The following TAP1 variants were observed in gnomAD, a reference collection of about 807,000 sequenced individuals.
TAP1 encodes the protein antigen peptide transporter 1.
TAP1 carries 56 observed loss-of-function variants against 79.3 expected under a neutral mutation model. That is an observed-to-expected ratio of 0.71 (90% CI 0.57 to 0.88). The LOEUF is 0.88. TAP1 is among the 40% of genes least tolerant of loss of function. The probability of loss-of-function intolerance (pLI) is 0.00; values close to 1 mark genes in which losing one functional copy is unlikely to be tolerated. For missense variants in TAP1, 737 were observed against 936.3 expected, an observed-to-expected ratio of 0.79 and a Z score of 2.78; for synonymous variants, 355 against 401.4, an observed-to-expected ratio of 0.88 and a Z score of 1.38.
chr6:32,853,506 A>T lies in TAP1; in HGVS notation c.131T>A (p.Phe44Tyr), dbSNP rs368893780. 2 of 1,609,590 alleles carry T rather than the reference A, an allele frequency of 1.2e-6. No homozygotes were observed. The highest frequency in any genetic ancestry group is 1.7e-6 in the Non-Finnish European group (2 of 1,177,586). The change falls in exon 1 of 11, where the codon TTC (phenylalanine) becomes TAC (tyrosine). Residue 44 changes from phenylalanine (F) to tyrosine (Y), a missense_variant. By Grantham distance (22) the Phe-to-Tyr change is conservative. This residue lies in a region of TAP1 where 45 missense variants were observed against 60.2 expected (regional missense o/e 0.75). Transcript: ENST00000354258. The surrounding 1 kb of genome is among the most constrained non-coding windows in gnomAD (Gnocchi z 8.3). ...CAGCGCGGTGGGCACCAGCAGGGAG[A>T]ATATGCGGGGCAGCGCGGTCCGGAG... ...VLLRTALPRI[F>Y]SLLVPTALPL...
Position 32,852,534 on chromosome 6 carries a change from T to C in TAP1, c.599-32A>G. The C allele has an allele frequency of 6.2e-7, 1 of 1,612,440 alleles. No individual in the cohort carries two copies. The highest frequency in any genetic ancestry group is 8.5e-7 in the Non-Finnish European group (1 of 1,179,718). On this transcript the variant is annotated intron_variant, in intron 1 of 10. Transcript: ENST00000354258. The surrounding 1 kb of genome is among the most constrained non-coding windows in gnomAD (Gnocchi z 4.8). Reference sequence around the variant, plus strand: ...AAAGAGAAGAGAGGTCACGCACAAATATTAAGTCTAAGTAGGTCAGTTCCA... The same window carrying C: ...AAAGAGAAGAGAGGTCACGCACAAACATTAAGTCTAAGTAGGTCAGTTCCA...
chr6:32,848,509 T>G (rs1235715486), intron 7 of TAP1, 143 bp downstream of exon 7: 20 of 991,276 alleles, frequency 2.0e-5, no homozygotes, highest in Non-Finnish European at 3.0e-5. Flanking sequence ...GGAAGATTTA[T>G]GGAACAGATG....
At position 32,848,074 on chromosome 6, in the gene TAP1, G is replaced by A. The variant is rs149070070; in HGVS notation, c.1585C>T (p.Arg529Cys). 4.2e-5 allele frequency: 67 copies of A among 1,609,208 alleles called. No individual in the cohort carries two copies. In the African/African-American group the frequency reaches 5.9e-4, roughly 14 times the overall value. ...LVLQGLTFTL[R>C]PGEVTALVGP... Reference sequence around the variant, plus strand: ...ACCAGCGCCGTCACCTCGCCAGGGCGTAGGGTGAATGTCAGCCCCTAGAGG... The same window carrying A: ...ACCAGCGCCGTCACCTCGCCAGGGCATAGGGTGAATGTCAGCCCCTAGAGG... The change falls in exon 8 of 11, where the codon CGC (arginine) becomes TGC (cysteine). Residue 529 changes from arginine (R) to cysteine (C), a missense_variant. Physicochemically the swap from Arg to Cys is radical, Grantham distance 180. Coordinates refer to ENST00000354258, the MANE Select transcript of TAP1 (RefSeq NM_000593.6).
chr6:32,852,922 G>A lies in TAP1; in HGVS notation c.598+117C>T. 1 of 1,480,276 alleles carries A rather than the reference G, an allele frequency of 6.8e-7. No individual in the cohort carries two copies. The highest frequency in any genetic ancestry group is 9.0e-7 in the Non-Finnish European group (1 of 1,112,204). 91.7% of individuals were successfully genotyped at this position (1,480,276 alleles called of 1,614,324 possible). ...TGGTGTTCCAAGACCCACGCTAGGA[G>A]TCCTTCTCCTGCTCCACATTTCCCA... On this transcript the variant is annotated intron_variant, in intron 1 of 10. Transcript: ENST00000354258. This position sits in a 1 kb window ranked among gnomAD's most constrained non-coding sequence, Gnocchi z 4.8.
At position 32,852,370 on chromosome 6, in the gene TAP1, C is replaced by A. The variant is rs1196180142; in HGVS notation, c.713+18G>T. On this transcript the variant is annotated intron_variant, in intron 2 of 10. Coordinates refer to ENST00000354258, the MANE Select transcript of TAP1 (RefSeq NM_000593.6). The surrounding 1 kb of genome is among the most constrained non-coding windows in gnomAD (Gnocchi z 4.8). ...CAACTCCCTCATTTGCAGGGTGCCC[C>A]ATTTTCAGCCCCCAGACCTGGCTAT... 10 of 1,613,010 alleles carry A rather than the reference C, an allele frequency of 6.2e-6. No homozygotes were observed. The highest frequency in any genetic ancestry group is 8.5e-6 in the Non-Finnish European group (10 of 1,179,974).
chr6:32,852,108 C>T lies in TAP1; in HGVS notation c.844+1G>A. On this transcript the variant is annotated splice_donor_variant, in intron 3 of 10. Coordinates refer to ENST00000354258, the MANE Select transcript of TAP1 (RefSeq NM_000593.6). LOFTEE classifies it high-confidence loss of function. The surrounding 1 kb of genome is among the most constrained non-coding windows in gnomAD (Gnocchi z 4.8). ...TATAATGAAAGAGTTTCAGGAGAAA[C>T]CTGTCTGGTTCTGTTGGAAAAACTC... is the stretch of plus-strand genomic sequence containing the variant. 1.2e-6 allele frequency: 2 copies of T among 1,612,904 alleles called. No homozygotes were observed. Among genetic ancestry groups the T allele is most frequent in the Non-Finnish European group, 1.7e-6 (2 of 1,180,004 alleles).
chr6:32,846,753 G>A (rs1770439136), intron 10 of TAP1, among the ~76,000 whole-genome samples: 1 of 152,008 alleles, frequency 6.6e-6, no homozygotes, highest in South Asian at 2.1e-4. Flanking sequence ...GCAGGTTGAA[G>A]CTGCAGTGAG....
chr6:32,846,041 A>G, intron 10 of TAP1: 2 of 578,152 alleles, frequency 3.5e-6, no homozygotes, highest in Non-Finnish European at 3.1e-6. Context: ...AATAAAGACT[A>G]TTGAATAGTC....
rs908908724 is a variant in TAP1 at position 32,847,785 on chromosome 6, C to G, written c.1741-110G>C. The G allele has an allele frequency of 6.4e-7, 1 of 1,558,838 alleles. No individual in the cohort carries two copies. Among genetic ancestry groups the G allele is most frequent in the Non-Finnish European group, 8.8e-7 (1 of 1,132,462 alleles). The stretch of plus-strand genomic sequence containing the variant: ...GAGAACATGTCACAAAATCATACTA[C>G]CTCCCTCCTGACTACACCACCATCT... On this transcript the variant is annotated intron_variant, in intron 8 of 10. Coordinates refer to ENST00000354258, the MANE Select transcript of TAP1 (RefSeq NM_000593.6). The surrounding 1 kb of genome is among the most constrained non-coding windows in gnomAD (Gnocchi z 4.7).
chr6:32,850,705 T>C lies in TAP1; in HGVS notation c.1051-188A>G, dbSNP rs775719946. The stretch of plus-strand genomic sequence containing the variant: ...AAGAGGAAAATGACTCAGAACGGGT[T>C]GGGGATCAAATTCTTAAAGACAGAT... On this transcript the variant is annotated intron_variant, in intron 4 of 10. Transcript: ENST00000354258. This position sits in a 1 kb window ranked among gnomAD's most constrained non-coding sequence, Gnocchi z 5.5. Among the ~76,000 whole-genome samples, 1 of 152,182 alleles carries C rather than the reference T, an allele frequency of 6.6e-6. No homozygotes were observed. The highest frequency in any genetic ancestry group is 1.5e-5 in the Non-Finnish European group (1 of 68,032).
At chr6:32,848,343 A>T in intron 7 of TAP1, 1 of 622,606 alleles carries the variant, frequency 1.6e-6, no homozygotes, top group Non-Finnish European at 2.8e-6. Context: ...CCACCAGGAA[A>T]GGGAAAAATC....
In TAP1 at chr6:32,853,289, C is replaced by T. The variant is rs1770919267; in HGVS notation, c.348G>A (p.Leu116=). ...CGGACCCGGGGGCTCCCCATGAGATCAGCTCTCGGAACAAGGCAAGTCCCG... is the reference window on the plus strand; with the variant it reads ...CGGACCCGGGGGCTCCCCATGAGATTAGCTCTCGGAACAAGGCAAGTCCCG... ...ALPGLALFRE[L]ISWGAPGSAD... Residue 116 remains leucine, a synonymous_variant, in exon 1 of 11, where the codon CTG becomes CTA. Transcript: ENST00000354258. The surrounding 1 kb of genome is among the most constrained non-coding windows in gnomAD (Gnocchi z 8.3). 1 of 1,583,340 alleles carries T rather than the reference C, an allele frequency of 6.3e-7. No homozygotes were observed. Among genetic ancestry groups the T allele is most frequent in the Non-Finnish European group, 8.6e-7 (1 of 1,164,084 alleles).
rs111585115 is a variant in TAP1 at position 32,851,241 on chromosome 6, G to A, written c.845-92C>T. On this transcript the variant is annotated intron_variant, in intron 3 of 10. Transcript: ENST00000354258. The surrounding 1 kb of genome is among the most constrained non-coding windows in gnomAD (Gnocchi z 4.8). ...ATGAGCCAGGATGCCAGGGTCAGGG[G>A]TGTCAACATGGGGTTCTAAGGAGGC... 179 of 1,268,214 alleles carry A rather than the reference G, an allele frequency of 1.4e-4. 2 individuals are homozygous for A. In the African/African-American group the frequency reaches 2.5e-3, roughly 18 times the overall value. The allele number at this position is 1,268,214 out of a possible 1,614,324, so 78.6% of individuals were successfully genotyped here.
rs1045053973 is a variant in TAP1, at chr6:32,847,947, T to C, written c.1712A>G (p.Gln571Arg). 2.5e-6 allele frequency: 4 copies of C among 1,612,962 alleles called. No individual in the cohort carries two copies. The African/African-American group carries it at 5.3e-5, about 22-fold the overall frequency. ...CCTGTGCAGGTAGCGGTGCTCATAT[T>C]GGGGAAGGGGCTTCCCATCCAACAG... ...QLLLDGKPLP[Q>R]YEHRYLHRQV... The change falls in exon 8 of 11, where the codon CAA becomes CGA. Residue 571 changes from glutamine (Q) to arginine (R), a missense_variant. Coordinates refer to ENST00000354258, the MANE Select transcript of TAP1 (RefSeq NM_000593.6). The surrounding 1 kb of genome is among the most constrained non-coding windows in gnomAD (Gnocchi z 4.7).
rs751214326 is a variant in TAP1, at chr6:32,853,283, T to A, written c.354A>T (p.Ser118=). 2 of 1,584,080 alleles carry A rather than the reference T, an allele frequency of 1.3e-6. No individual in the cohort carries two copies. Among genetic ancestry groups the A allele is most frequent in the African/African-American group, 2.7e-5 (2 of 74,444 alleles). Residue 118 remains serine (S), a synonymous_variant, in exon 1 of 11, where the codon TCA becomes TCT. Transcript: ENST00000354258. This position sits in a 1 kb window ranked among gnomAD's most constrained non-coding sequence, Gnocchi z 8.3. ...PGLALFRELI[S]WGAPGSADST... is the part of the protein sequence containing the mutation. Reference sequence around the variant, plus strand: ...TATCCGCGGACCCGGGGGCTCCCCATGAGATCAGCTCTCGGAACAAGGCAA... The same window carrying A: ...TATCCGCGGACCCGGGGGCTCCCCAAGAGATCAGCTCTCGGAACAAGGCAA...
intron 7 of TAP1, 50 bp from the exon 8 acceptor site, chr6:32,848,142 T>C: frequency 1.9e-6 from 3 of 1,554,356 alleles, no homozygotes; most frequent in Non-Finnish European, 2.6e-6. Flanking sequence ...CCTCTAACCT[T>C]GAGAGTGTCA....
Position 32,847,348 on chromosome 6 carries a change from TG to T in TAP1, c.1904-145del. On this transcript the variant is annotated intron_variant, in intron 9 of 10. Transcript: ENST00000354258. This position sits in a 1 kb window ranked among gnomAD's most constrained non-coding sequence, Gnocchi z 4.7. The stretch of plus-strand genomic sequence containing the variant: ...CTGGATAGGGGAGATTCTGGGAAGA[TG>T]AACAGAATCCTGAGGATGTCAGGAT... 6.7e-7 allele frequency: 1 copy of T among 1,502,398 alleles called. No individual in the cohort carries two copies. Among genetic ancestry groups the T allele is most frequent in the Non-Finnish European group, 9.2e-7 (1 of 1,092,884 alleles). The allele number at this position is 1,502,398 out of a possible 1,614,324, so 93.1% of individuals were successfully genotyped here.
chr6:32,852,308 C>T lies in TAP1; in HGVS notation c.714-69G>A. 1.9e-6 allele frequency: 3 copies of T among 1,612,760 alleles called. No homozygotes were observed. The South Asian group carries it at 3.3e-5, about 18-fold the overall frequency. On this transcript the variant is annotated intron_variant, in intron 2 of 10. Transcript: ENST00000354258. This position sits in a 1 kb window ranked among gnomAD's most constrained non-coding sequence, Gnocchi z 4.8. ...GAACAGACTGAAGGTCCCAGGTATCCCCATATAAGTGCATTTCGGACAGCA... is the reference window on the plus strand; with the variant it reads ...GAACAGACTGAAGGTCCCAGGTATCTCCATATAAGTGCATTTCGGACAGCA...
rs1276422671 is a variant in TAP1, at chr6:32,845,650, G to A, written c.2176C>T (p.His726Tyr). 45 of 1,612,982 alleles carry A rather than the reference G, an allele frequency of 2.8e-5. No homozygotes were observed. The highest frequency in any genetic ancestry group is 3.7e-5 in the Non-Finnish European group (44 of 1,180,042). ...CCCTTTTTCTCCATGAGCTGCTGGT[G>A]GGTTCCCCCCTCCCGGATAGCGCCT... ...EGGAIREGGTHQQLMEKKGCY... is the reference protein window; with the variant it reads ...EGGAIREGGTYQQLMEKKGCY... The change falls in exon 11 of 11, where the codon CAC becomes TAC. Residue 726 changes from histidine (H) to tyrosine (Y), a missense_variant. Transcript: ENST00000354258. This position sits in a 1 kb window ranked among gnomAD's most constrained non-coding sequence, Gnocchi z 4.5.
Sources: gnomAD v4.1 joint callset for allele counts (sites outside exome capture counted in the v4.1 genomes callset) on GRCh38, gnomAD v4.1.1 for gene constraint, gnomAD v4.1.1 regional missense constraint, Gnocchi (gnomAD v3.1) non-coding constraint, MANE v1.5 for transcripts, NCBI Gene and HGNC (gene_info 2026-07-23, HGNC 2026-07-21) for gene names.